ATG7: variants seen among roughly 807,000 people sequenced by gnomAD.
ATG7 encodes the protein autophagy related 7.
In ATG7, 70 loss-of-function variants were observed where a neutral mutation model predicts 82.4. That is an observed-to-expected ratio of 0.85 (90% confidence interval 0.70 to 1.04). ATG7 has a LOEUF of 1.04. ATG7 is among the 50% of genes least tolerant of loss of function. The probability of loss-of-function intolerance (pLI) is 0.00; values close to 1 mark genes in which losing one functional copy is unlikely to be tolerated. For synonymous variants in ATG7, 287 were observed against 313.0 expected (o/e 0.92, Z 0.88); for missense variants, 792 against 864.3 (o/e 0.92, Z 1.05).
chr3:11,388,015 C>T (rs973572173), intron 19 of ATG7, among the ~76,000 whole-genome samples: 1 of 152,084 alleles, frequency 6.6e-6, no homozygotes, highest in Non-Finnish European at 1.5e-5. Context: ...TTCATGAAGT[C>T]CCTGAAACAT....
In ATG7 at chr3:11,362,179, C is replaced by T. The variant is rs571224598; in HGVS notation, c.1684-634C>T. ...AATTTTTATAGAGTCAAAAATATCTCTAACAACCTCTTAATTTGCCCAGAG... is the reference window on the plus strand; with the variant it reads ...AATTTTTATAGAGTCAAAAATATCTTTAACAACCTCTTAATTTGCCCAGAG... On this transcript the variant is annotated intron_variant, in intron 16 of 20. Transcript: ENST00000693202. Among the ~76,000 whole-genome samples, 73 of 152,290 alleles carry T rather than the reference C, an allele frequency of 4.8e-4. 1 individual carries two copies. The highest frequency in any genetic ancestry group is 1.6e-3 in the African/African-American group (67 of 41,566).
chr3:11,420,841 T>A (rs4684778), intron 19 of ATG7, among the ~76,000 whole-genome samples: 12 of 150,360 alleles, frequency 8.0e-5, no homozygotes, highest in African/African-American at 2.4e-4. Flanking sequence ...CTGCAAGCTC[T>A]GCTTCCTGGG....
chr3:11,355,514 A>G (rs572701465), intron 14 of ATG7, among the ~76,000 whole-genome samples: 1 of 152,348 alleles, frequency 6.6e-6, no homozygotes, highest in South Asian at 2.1e-4. Flanking sequence ...CCTACCACTC[A>G]AGACACACAA....
At chr3:11,472,035 C>T (rs1048263293) in intron 20 of ATG7, among the ~76,000 whole-genome samples, 1 of 151,954 alleles carries the variant, frequency 6.6e-6, no homozygotes, top group East Asian at 1.9e-4. Flanking sequence ...CCACACCTAG[C>T]CTTTTTCAGA....
intron 16 of ATG7, 54 bp downstream of exon 16, chr3:11,360,838 G>A: frequency 6.4e-7 from 1 of 1,564,128 alleles, no homozygotes; most frequent in Non-Finnish European, 8.8e-7. Context: ...CTTGTACACT[G>A]AGGCAGACCG....
Position 11,428,257 on chromosome 3 carries a change from T to A in ATG7, c.2079+1331T>A, listed in dbSNP as rs528030099. On this transcript the variant is annotated intron_variant, in intron 20 of 20. Transcript: ENST00000693202. Reference sequence around the variant, plus strand: ...ATTCAGGGAGGCCCCAAGTTGTCAATGAATAGATGGCCAGGCCCAATACTG... The same window carrying A: ...ATTCAGGGAGGCCCCAAGTTGTCAAAGAATAGATGGCCAGGCCCAATACTG... Among the ~76,000 whole-genome samples the A allele has an allele frequency of 1.2e-4, 18 of 152,296 alleles. No individual in the cohort carries two copies. In the South Asian group the frequency reaches 3.5e-3, roughly 30 times the overall value.
At chr3:11,553,436 G>A (rs1034752535) in intron 20 of ATG7, among the ~76,000 whole-genome samples, 11 of 152,186 alleles carry the variant, frequency 7.2e-5, no homozygotes, top group African/African-American at 2.7e-4. Context: ...AACCCTCCAG[G>A]GGCTCAGTTT....
At chr3:11,490,027 A>C (rs1196897819) in intron 20 of ATG7, among the ~76,000 whole-genome samples, 2 of 151,910 alleles carry the variant, frequency 1.3e-5, no homozygotes, top group Non-Finnish European at 2.9e-5. Context: ...ATTCCTGGGT[A>C]TCCTTGTTAA....
At chr3:11,382,454 T>C (rs1389707686) in intron 19 of ATG7, among the ~76,000 whole-genome samples, 3 of 152,232 alleles carry the variant, frequency 2.0e-5, no homozygotes, top group Admixed American at 2.0e-4. Context: ...AGGTGAATTG[T>C]TCCATCTTAG....
At chr3:11,440,912 G>A (rs2083881436) in intron 20 of ATG7, among the ~76,000 whole-genome samples, 1 of 151,216 alleles carries the variant, frequency 6.6e-6, no homozygotes, top group Non-Finnish European at 1.5e-5. Flanking sequence ...TCAAACTCCT[G>A]ACCTCAGGTG....
chr3:11,305,164 C>T (rs1947516178), intron 5 of ATG7, among the ~76,000 whole-genome samples: 2 of 152,238 alleles, frequency 1.3e-5, no homozygotes, highest in Admixed American at 1.3e-4. Flanking sequence ...CTCCAAGTCT[C>T]AGGCTCCTTC....
intron 20 of ATG7, 143 bp from the exon 21 acceptor site, chr3:11,554,668 A>C: frequency 9.8e-7 from 1 of 1,015,854 alleles, no homozygotes; most frequent in Non-Finnish European, 1.4e-6. Flanking sequence ...TTCCTTGTAC[A>C]GAAATGGGGT....
chr3:11,500,748 A>G (rs1022877387), intron 20 of ATG7, among the ~76,000 whole-genome samples: 2 of 152,184 alleles, frequency 1.3e-5, no homozygotes, highest in Non-Finnish European at 2.9e-5. Flanking sequence ...CTCCTGCCTC[A>G]GCCTCCAGAG....
intron 19 of ATG7, among the ~76,000 whole-genome samples, chr3:11,424,258 G>A (rs182829330): frequency 9.9e-4 from 151 of 151,928 alleles, no homozygotes; most frequent in African/African-American, 3.4e-3. Flanking sequence ...ACCAACTAAA[G>A]ATTTTAGTAT....
chr3:11,453,747 G>C (rs1056004837), intron 20 of ATG7, among the ~76,000 whole-genome samples: 1 of 152,008 alleles, frequency 6.6e-6, no homozygotes, highest in African/African-American at 2.4e-5. Flanking sequence ...GCCATCCTGC[G>C]TCTGCCTGCA....
chr3:11,350,301 T>C (rs918986500), intron 14 of ATG7, among the ~76,000 whole-genome samples: 3 of 152,230 alleles, frequency 2.0e-5, no homozygotes, highest in South Asian at 2.1e-4. Flanking sequence ...AACCCTGTCA[T>C]TGAGGAGGCA....
intron 20 of ATG7, among the ~76,000 whole-genome samples, chr3:11,535,245 AC>A (rs2092768482): frequency 6.6e-6 from 1 of 152,040 alleles, no homozygotes; most frequent in Admixed American, 6.5e-5. Flanking sequence ...CAGTCTTTGC[AC>A]CCCTTCATCA....
chr3:11,554,692 A>G, intron 20 of ATG7, 119 bp from the exon 21 acceptor site: 1 of 1,249,690 alleles, frequency 8.0e-7, no homozygotes, highest in Non-Finnish European at 1.1e-6. Flanking sequence ...AGTCCCTCAG[A>G]AACAAGGGAG....
chr3:11,401,222 A>G (rs2079805930), intron 19 of ATG7, among the ~76,000 whole-genome samples: 2 of 152,234 alleles, frequency 1.3e-5, no homozygotes, highest in African/African-American at 4.8e-5. Context: ...AAGCATGCTC[A>G]AGTTTTGATA....
Sources: allele counts gnomAD v4.1 joint callset (sites outside exome capture counted in the v4.1 genomes callset), GRCh38; gene constraint gnomAD v4.1.1; transcripts MANE v1.5; gene names NCBI Gene and HGNC (gene_info 2026-07-23, HGNC 2026-07-21).